The following MORC4 variants were observed in gnomAD, a reference collection of about 807,000 sequenced individuals.
MORC4 encodes the protein MORC family CW-type zinc finger protein 4.
MORC4 carries 22 observed loss-of-function variants against 65.5 expected under a neutral mutation model. The observed-to-expected ratio is 0.34, with a 90% CI of 0.24 to 0.48. MORC4 has a LOEUF of 0.48. Ranked by LOEUF, MORC4 falls within the 20% of genes least tolerant of loss-of-function variation. The pLI is 0.99. For missense variants in MORC4, 624 were observed against 703.0 expected (o/e 0.89, Z 1.27); for synonymous variants, 267 against 255.8 (o/e 1.04, Z -0.42).
At chrX:106,995,804 G>A (rs1402407242) in intron 2 of MORC4, among the ~76,000 whole-genome samples, 1 of 111,977 alleles carries the variant, frequency 8.9e-6, no homozygotes, top group Non-Finnish European at 1.9e-5. Context: ...AGAGGCAGCA[G>A]TATTTTTCTT....
intron 9 of MORC4, among the ~76,000 whole-genome samples, chrX:106,963,295 G>T (rs923591190): frequency 8.0e-5 from 9 of 112,178 alleles, no homozygotes; most frequent in African/African-American, 1.9e-4. Context: ...AAAGCTGCAT[G>T]ATGTAACTAT....
At chrX:106,990,880 T>A (rs61102879) in intron 3 of MORC4, among the ~76,000 whole-genome samples, 2,029 of 110,073 alleles carry the variant, frequency 0.018, 53 homozygotes, top group African/African-American at 0.059. Context: ...CTCAAAAAAA[T>A]TTTTTTTTAA....
intron 9 of MORC4, among the ~76,000 whole-genome samples, chrX:106,962,731 C>A (rs1207589058): frequency 9.0e-6 from 1 of 111,651 alleles, no homozygotes; most frequent in East Asian, 2.8e-4. Flanking sequence ...TTATTTCTCT[C>A]CCTAAAGGAA....
In MORC4 at chrX:106,963,888, AC is replaced by A. The variant is rs368168604; in HGVS notation, c.1158-1779del. On this transcript the variant is annotated intron_variant, in intron 9 of 16. Coordinates refer to ENST00000355610, the MANE Select transcript of MORC4 (RefSeq NM_024657.5). ...CTACAACATAACAAAAACAACAACA[AC>A]AACAAAAAAAAACCCAGCAAACCCT... Among the ~76,000 whole-genome samples, 338 of 104,678 alleles carry A rather than the reference AC, an allele frequency of 3.2e-3. 1 individual carries two copies. The South Asian group carries it at 0.033, about 10-fold the overall frequency. 90.9% of individuals were successfully genotyped at this position (104,678 alleles called of 115,157 possible).
intron 14 of MORC4, among the ~76,000 whole-genome samples, chrX:106,947,647 A>C (rs1218177208): frequency 9.9e-6 from 1 of 101,228 alleles, no homozygotes; most frequent in Non-Finnish European, 2.0e-5. Flanking sequence ...GGTTGGAAGT[A>C]AAAGGATTGA....
chrX:106,966,690 G>A (rs143265688), intron 9 of MORC4, among the ~76,000 whole-genome samples: 2,139 of 113,112 alleles, frequency 0.019, 52 homozygotes, highest in African/African-American at 0.064. Flanking sequence ...TGCTAGCGCA[G>A]CAGTCTGAAA....
intron 5 of MORC4, among the ~76,000 whole-genome samples, chrX:106,981,790 G>A (rs1046135914): frequency 2.7e-5 from 3 of 111,801 alleles, no homozygotes; most frequent in Non-Finnish European, 5.6e-5. Flanking sequence ...GTGGGATCTT[G>A]AAATAGACAC....
chrX:106,949,521 C>T lies in MORC4; in HGVS notation c.1685+5392G>A, dbSNP rs1365745833. Among the ~76,000 whole-genome samples, 3 of 112,233 alleles carry T rather than the reference C, an allele frequency of 2.7e-5. No homozygotes were observed. In the Admixed American group the frequency reaches 2.8e-4, roughly 11 times the overall value. On this transcript the variant is annotated intron_variant, in intron 14 of 16. Transcript: ENST00000355610. ...TATAGCAATTCTGGACACTGATCTCCCCTTCCCTATGACACTGATGTTGTT... is the reference window on the plus strand; with the variant it reads ...TATAGCAATTCTGGACACTGATCTCTCCTTCCCTATGACACTGATGTTGTT...
At chrX:106,989,340 A>G (rs980925978) in intron 3 of MORC4, among the ~76,000 whole-genome samples, 5 of 112,295 alleles carry the variant, frequency 4.5e-5, no homozygotes, top group African/African-American at 1.6e-4. Context: ...AAGGAATTTA[A>G]TAATAGGTTT....
Position 106,999,749 on chromosome X carries a change from T to C in MORC4, c.103A>G (p.Met35Val), listed in dbSNP as rs1935144509. ...PQAFGIRLST[M>V]SPRYLQSNSS... The stretch of plus-strand genomic sequence containing the variant: ...TTGCTCTGGAGGTAGCGGGGGCTCA[T>C]CTGGGGGCGAGAGAAGGTCCCGACC... Residue 35 changes from methionine to valine, a missense_variant and splice_region_variant, in exon 2 of 17, where the codon ATG becomes GTG. Coordinates refer to ENST00000355610, the MANE Select transcript of MORC4 (RefSeq NM_024657.5). 20 of 1,103,366 alleles carry C rather than the reference T, an allele frequency of 1.8e-5. No individual in the cohort carries two copies. The highest frequency in any genetic ancestry group is 2.2e-5 in the Non-Finnish European group (19 of 844,530). The allele number at this position is 1,103,366 out of a possible 1,213,427, so 90.9% of individuals were successfully genotyped here.
intron 3 of MORC4, among the ~76,000 whole-genome samples, chrX:106,991,762 G>A (rs1410973528): frequency 6.3e-5 from 7 of 110,987 alleles, no homozygotes; most frequent in Admixed American, 9.6e-5. Context: ...AAAATTAGCC[G>A]GGCATGGTGG....
intron 14 of MORC4, among the ~76,000 whole-genome samples, chrX:106,949,414 C>T (rs763260159): frequency 2.7e-5 from 3 of 112,290 alleles, no homozygotes; most frequent in African/African-American, 9.7e-5. Context: ...CCTCCCCACC[C>T]TCTGCTCCCA....
At chrX:106,972,131 G>A (rs1569303202) in intron 9 of MORC4, among the ~76,000 whole-genome samples, 1 of 112,056 alleles carries the variant, frequency 8.9e-6, no homozygotes, top group South Asian at 3.7e-4. Flanking sequence ...GGAATACTAT[G>A]CAGTCATAAA....
chrX:106,997,128 C>T (rs962352893), intron 2 of MORC4, among the ~76,000 whole-genome samples: 2 of 112,112 alleles, frequency 1.8e-5, no homozygotes, highest in African/African-American at 6.5e-5. Flanking sequence ...TGTCACAAGC[C>T]TATTCTTCCT....
At chrX:106,986,265 G>T in intron 3 of MORC4, 65 bp from the exon 4 acceptor site, 1 of 847,050 alleles carries the variant, frequency 1.2e-6, no homozygotes, top group Non-Finnish European at 1.7e-6. Flanking sequence ...AGCATCCTAA[G>T]ATAGGTGACA....
At chrX:106,949,958 G>A (rs1243373700) in intron 14 of MORC4, among the ~76,000 whole-genome samples, 4 of 112,143 alleles carry the variant, frequency 3.6e-5, no homozygotes, top group Non-Finnish European at 7.5e-5. Context: ...TTCCCAGGAG[G>A]TGCCCCTGGG....
intron 9 of MORC4, among the ~76,000 whole-genome samples, chrX:106,975,773 T>C (rs1472787972): frequency 1.3e-4 from 15 of 111,161 alleles, no homozygotes; most frequent in Non-Finnish European, 2.8e-4. Flanking sequence ...TTTTCCTTCA[T>C]ATTTAATATC....
chrX:106,962,148 C>T, intron 9 of MORC4, 38 bp from the exon 10 acceptor site: 2 of 981,656 alleles, frequency 2.0e-6, no homozygotes, highest in African/African-American at 1.9e-5. Context: ...AAGTTTAGCA[C>T]TTGTTGAGCA....
Position 107,000,050 on chromosome X carries a change from C to T in MORC4, c.-81G>A. On this transcript the variant is annotated 5_prime_UTR_variant, in exon 1 of 17. The change creates a new upstream start codon in the 5' untranslated region. Coordinates refer to ENST00000355610, the MANE Select transcript of MORC4 (RefSeq NM_024657.5). ...CGGGACTAGCCCTCGCTCACTTCCA[C>T]TCGCAGCTGGCGGCGACCGTCCGGG... 2 of 384,800 alleles carry T rather than the reference C, an allele frequency of 5.2e-6. No homozygotes were observed. Among genetic ancestry groups the T allele is most frequent in the Non-Finnish European group, 7.2e-6 (2 of 277,361 alleles). 31.7% of individuals were successfully genotyped at this position (384,800 alleles called of 1,213,427 possible). A position where few individuals can be genotyped will look rare whatever the true frequency, so the allele number is the denominator to read the frequency against.
Sources: gnomAD v4.1 joint callset for allele counts (sites outside exome capture counted in the v4.1 genomes callset) on GRCh38, gnomAD v4.1.1 for gene constraint, MANE v1.5 for transcripts, NCBI Gene and HGNC (gene_info 2026-07-23, HGNC 2026-07-21) for gene names.